Variants in SLC16A14 observed in about 807,000 individuals in gnomAD.
SLC16A14 encodes solute carrier family 16 member 14.
SLC16A14 carries 14 observed loss-of-function variants against 35.8 expected under a neutral mutation model. The observed-to-expected ratio is 0.39, with a 90% CI of 0.26 to 0.61. The LOEUF (loss-of-function observed/expected upper bound fraction) is 0.61, where lower values mean the gene tolerates loss of function less well. Ranked by LOEUF, SLC16A14 falls within the 20% of genes least tolerant of loss-of-function variation. The probability of loss-of-function intolerance (pLI) is 0.51; values close to 1 mark genes in which losing one functional copy is unlikely to be tolerated. For synonymous variants in SLC16A14, 248 were observed against 258.9 expected, an observed-to-expected ratio of 0.96 and a Z score of 0.40; for missense variants, 533 against 655.0, an observed-to-expected ratio of 0.81 and a Z score of 2.03.
intron 1 of SLC16A14, chr2:230,066,606 T>C (rs2077796980): frequency 9.3e-6 from 4 of 428,288 alleles, no homozygotes; most frequent in South Asian, 5.0e-5. Context: ...TTAAATTTTC[T>C]ACAGCAGCGT....
At chr2:230,047,088 G>T (rs1429635929) in intron 3 of SLC16A14, among the ~76,000 whole-genome samples, 1 of 152,164 alleles carries the variant, frequency 6.6e-6, no homozygotes, top group African/African-American at 2.4e-5. Context: ...CACGTGCTTA[G>T]CAAGTAGCTG....
Position 230,037,257 on chromosome 2 carries a change from A to G in SLC16A14, c.*123T>C. On this transcript the variant is annotated 3_prime_UTR_variant, in exon 5 of 5. Coordinates refer to ENST00000295190, the MANE Select transcript of SLC16A14 (RefSeq NM_152527.5). Reference sequence around the variant, plus strand: ...AAATGAGGCTGTGACAATGGCATTTACAAATGACAGTGCCAGTTACCGTAC... The same window carrying G: ...AAATGAGGCTGTGACAATGGCATTTGCAAATGACAGTGCCAGTTACCGTAC... The G allele has an allele frequency of 7.3e-6, 6 of 824,220 alleles. No individual in the cohort carries two copies. The highest frequency in any genetic ancestry group is 1.1e-5 in the Non-Finnish European group (6 of 547,896). 51.1% of individuals were successfully genotyped at this position (824,220 alleles called of 1,614,324 possible).
Position 230,068,173 on chromosome 2 carries a change from G to GCCGGGCAGCGAGGCTGGGCT in SLC16A14, c.-15+362_-15+381dup, listed in dbSNP as rs1560485753. On this transcript the variant is annotated intron_variant, in intron 1 of 4. Coordinates refer to ENST00000295190, the MANE Select transcript of SLC16A14 (RefSeq NM_152527.5). This position sits in a 1 kb window ranked among gnomAD's most constrained non-coding sequence, Gnocchi z 5.1. ...GAGTCCCAAACGGGCCTAGAGAGCA[G>GCCGGGCAGCGAGGCTGGGCT]CCGGGCAGCGAGGCTGGGCTCCGGG... 6.6e-6 allele frequency: 1 copy of GCCGGGCAGCGAGGCTGGGCT among 152,394 alleles called. No individual in the cohort carries two copies. The highest frequency in any genetic ancestry group is 2.4e-5 in the African/African-American group (1 of 41,470). 9.4% of individuals were successfully genotyped at this position (152,394 alleles called of 1,614,324 possible). A position where few individuals can be genotyped will look rare whatever the true frequency, so the allele number is the denominator to read the frequency against.
intron 2 of SLC16A14, 64 bp downstream of exon 2, chr2:230,059,030 C>T: frequency 6.6e-7 from 1 of 1,514,792 alleles, no homozygotes; most frequent in Non-Finnish European, 8.8e-7. Flanking sequence ...TAAAACATCA[C>T]TTACAGTGGG....
chr2:230,041,792 C>T (rs991647550), intron 4 of SLC16A14, among the ~76,000 whole-genome samples: 1 of 152,050 alleles, frequency 6.6e-6, no homozygotes. Context: ...GTGATGTGAA[C>T]AGTAATTTTC....
chr2:230,048,645 C>T (rs555708247), intron 3 of SLC16A14, among the ~76,000 whole-genome samples: 4 of 151,986 alleles, frequency 2.6e-5, no homozygotes, highest in African/African-American at 7.3e-5. Flanking sequence ...ATTATAAGGC[C>T]GGGTGCTGTG....
intron 1 of SLC16A14, among the ~76,000 whole-genome samples, chr2:230,065,821 A>G (rs1002729993): frequency 6.6e-6 from 1 of 152,082 alleles, no homozygotes; most frequent in African/African-American, 2.4e-5. Flanking sequence ...TAATTTTAGT[A>G]TTATAATCCT....
chr2:230,068,340 TC>T lies in SLC16A14; in HGVS notation c.-15+214del. On this transcript the variant is annotated intron_variant, in intron 1 of 4. Coordinates refer to ENST00000295190, the MANE Select transcript of SLC16A14 (RefSeq NM_152527.5). The surrounding 1 kb of genome is among the most constrained non-coding windows in gnomAD (Gnocchi z 5.1). The stretch of plus-strand genomic sequence containing the variant: ...GCCGGTTACCCTGCCCGCCCGCAGC[TC>T]CCAAGCCCCCGCGGCGGCCTTGGCA... 1 of 152,532 alleles carries T rather than the reference TC, an allele frequency of 6.6e-6. No individual in the cohort carries two copies. The highest frequency in any genetic ancestry group is 2.4e-5 in the African/African-American group (1 of 41,562). The allele number at this position is 152,532 out of a possible 1,614,324, so 9.4% of individuals were successfully genotyped here. A position where few individuals can be genotyped will look rare whatever the true frequency, so the allele number is the denominator to read the frequency against.
chr2:230,063,479 T>C (rs1225496735), intron 1 of SLC16A14, among the ~76,000 whole-genome samples: 2 of 152,010 alleles, frequency 1.3e-5, no homozygotes, highest in African/African-American at 4.8e-5. Context: ...AGTGAAACCC[T>C]GAAACAGTGA....
Position 230,059,221 on chromosome 2 carries a change from G to A in SLC16A14, c.132C>T (p.His44=). ...WMMVLSSFFV[H]ILIMGSQMAL... ...CCATCTGGGAGCCCATGATGAGGAT[G>A]TGCACAAAGAAAGAGGAGAGCACCA... The change falls in exon 2 of 5, where the codon CAC becomes CAT. Residue 44 remains histidine, a synonymous_variant. Coordinates refer to ENST00000295190, the MANE Select transcript of SLC16A14 (RefSeq NM_152527.5). 6.2e-7 allele frequency: 1 copy of A among 1,614,206 alleles called. No individual in the cohort carries two copies. The highest frequency in any genetic ancestry group is 8.5e-7 in the Non-Finnish European group (1 of 1,180,036).
chr2:230,053,804 T>G (rs1055248983), intron 2 of SLC16A14, among the ~76,000 whole-genome samples: 15 of 152,064 alleles, frequency 9.9e-5, no homozygotes, highest in Non-Finnish European at 1.9e-4. Context: ...CCCACTGCTG[T>G]GGGGAACACC....
chr2:230,058,757 C>T lies in SLC16A14; in HGVS notation c.259+337G>A, dbSNP rs57075476. On this transcript the variant is annotated intron_variant, in intron 2 of 4. Transcript: ENST00000295190. The stretch of plus-strand genomic sequence containing the variant: ...AAGCAATTCTCCTGCTTCAGCCTCC[C>T]GAGTAGCTGGGATTACAGGCACATG... Among the ~76,000 whole-genome samples the T allele has an allele frequency of 6.8e-3, 1,037 of 152,206 alleles. 10 individuals are homozygous for T. Among genetic ancestry groups the T allele is most frequent in the African/African-American group, 0.023 (964 of 41,528 alleles).
chr2:230,048,570 C>T (rs1021526353), intron 3 of SLC16A14, among the ~76,000 whole-genome samples: 3 of 152,140 alleles, frequency 2.0e-5, no homozygotes, highest in Admixed American at 6.6e-5. Flanking sequence ...TTTGCTTCTT[C>T]GTCTCTACAT....
chr2:230,044,753 T>C (rs2077590070), intron 4 of SLC16A14, among the ~76,000 whole-genome samples: 1 of 141,808 alleles, frequency 7.1e-6, no homozygotes, highest in Non-Finnish European at 1.6e-5. Context: ...TGTGTGTGTG[T>C]GTGTGTGTGT....
Position 230,058,975 on chromosome 2 carries a change from A to T in SLC16A14, c.259+119T>A, listed in dbSNP as rs531254210. ...TGTTATGCATATTTTATCACAATTG[A>T]AAAATAGTAGCTAGTAACATCCAAT... On this transcript the variant is annotated intron_variant, in intron 2 of 4. Coordinates refer to ENST00000295190, the MANE Select transcript of SLC16A14 (RefSeq NM_152527.5). The T allele has an allele frequency of 1.6e-5, 23 of 1,472,356 alleles. No individual in the cohort carries two copies. The Admixed American group carries it at 3.3e-4, about 21-fold the overall frequency. 91.2% of individuals were successfully genotyped at this position (1,472,356 alleles called of 1,614,324 possible). A position where few individuals can be genotyped will look rare whatever the true frequency, so the allele number is the denominator to read the frequency against.
At chr2:230,042,539 G>T (rs2077569166) in intron 4 of SLC16A14, among the ~76,000 whole-genome samples, 1 of 152,090 alleles carries the variant, frequency 6.6e-6, no homozygotes, top group Admixed American at 6.6e-5. Flanking sequence ...AGTACCCCTG[G>T]ATCATGCAAA....
rs145179402 is a variant in SLC16A14, at chr2:230,067,534, TTCTCTCTC to T, written c.-15+1013_-15+1020del. Among the ~76,000 whole-genome samples the T allele has an allele frequency of 5.8e-3, 743 of 128,408 alleles. 7 individuals carry two copies. Among genetic ancestry groups the T allele is most frequent in the Middle Eastern group, 0.011 (3 of 276 alleles). The allele number at this position is 128,408 out of a possible 152,430, so 84.2% of individuals were successfully genotyped here. A position where few individuals can be genotyped will look rare whatever the true frequency, so the allele number is the denominator to read the frequency against. On this transcript the variant is annotated intron_variant, in intron 1 of 4. Transcript: ENST00000295190. ...CCCAACACTGCCTCTCTCCCCTCTC[TTCTCTCTC>T]TCTCTCTCTCTCTCTCTCTCTCTCT... is the stretch of plus-strand genomic sequence containing the variant.
chr2:230,060,432 C>T (rs60036004), intron 1 of SLC16A14, among the ~76,000 whole-genome samples: 72,932 of 151,746 alleles, frequency 0.48, 18,158 homozygotes, highest in African/African-American at 0.58. Flanking sequence ...CAGTCTTGAA[C>T]TCCTGGGCTC....
At chr2:230,061,626 A>G (rs2077752693) in intron 1 of SLC16A14, among the ~76,000 whole-genome samples, 1 of 152,212 alleles carries the variant, frequency 6.6e-6, no homozygotes, top group Non-Finnish European at 1.5e-5. Flanking sequence ...TCACTTGGAG[A>G]TTCTAGTTTA....
Sources: gnomAD v4.1 joint callset for allele counts (sites outside exome capture counted in the v4.1 genomes callset) on GRCh38, gnomAD v4.1.1 for gene constraint, Gnocchi (gnomAD v3.1) non-coding constraint, MANE v1.5 for transcripts, NCBI Gene and HGNC (gene_info 2026-07-23, HGNC 2026-07-21) for gene names.